Variants in OR2H1 observed in about 807,000 individuals in gnomAD.
The protein encoded by OR2H1 is olfactory receptor family 2 subfamily H member 1.
For missense variants in OR2H1, 380 were observed against 367.3 expected, an observed-to-expected ratio of 1.03 and a Z score of -0.28; for synonymous variants, 155 against 155.2, an observed-to-expected ratio of 1.00 and a Z score of 0.01.
At chr6:29,459,485 G>GATGGAGGAAGGAATAT (rs1786955920) in intron 2 of OR2H1, among the ~76,000 whole-genome samples, 1 of 152,202 alleles carries the variant, frequency 6.6e-6, no homozygotes, top group Non-Finnish European at 1.5e-5. Context: ...GAGACGTAAT[G>GATGGAGGAAGGAATAT]ATGGAGGAAG....
Position 29,458,599 on chromosome 6 carries a change from C to T in OR2H1, c.-327+30C>T, listed in dbSNP as rs1786790544. On this transcript the variant is annotated intron_variant, in intron 2 of 3. Coordinates refer to ENST00000377133, the MANE Select transcript of OR2H1 (RefSeq NM_030883.5). ...GTCACAAGTTTATTCCCCTACAGCC[C>T]ATCAATTTCCACATGTTCTTAAGAC... 2.0e-5 allele frequency: 3 copies of T among 152,312 alleles called. No individual in the cohort carries two copies. In the South Asian group the frequency reaches 6.2e-4, roughly 32 times the overall value. 9.4% of individuals were successfully genotyped at this position (152,312 alleles called of 1,614,324 possible).
chr6:29,459,595 G>T (rs914872427), intron 2 of OR2H1, among the ~76,000 whole-genome samples: 2 of 152,136 alleles, frequency 1.3e-5, no homozygotes, highest in Admixed American at 1.3e-4. Context: ...AGGTGATTGT[G>T]CCATCCCATA....
At position 29,461,345 on chromosome 6, in the gene OR2H1, C is replaced by A. The variant is rs115050545; in HGVS notation, c.-275-150C>A. On this transcript the variant is annotated intron_variant, in intron 3 of 3. Coordinates refer to ENST00000377133, the MANE Select transcript of OR2H1 (RefSeq NM_030883.5). ...AGTAGGGCAATTCTATCAAATGATT[C>A]TTTTCTAATTCTTTATGGATGTACA... 1,301 of 173,838 alleles carry A rather than the reference C, an allele frequency of 7.5e-3. 20 individuals carry two copies. Among genetic ancestry groups the A allele is most frequent in the African/African-American group, 0.027 (1,154 of 42,226 alleles). 10.8% of individuals were successfully genotyped at this position (173,838 alleles called of 1,614,324 possible). A position where few individuals can be genotyped will look rare whatever the true frequency, so the allele number is the denominator to read the frequency against.
Position 29,462,061 on chromosome 6 carries a change from C to T in OR2H1, c.292C>T (p.Gln98Ter), listed in dbSNP as rs1787338782. The change falls in exon 4 of 4, where the codon CAG becomes TAG. Residue 98 changes from glutamine (Q) to a stop codon, truncating the protein, a stop_gained. Transcript: ENST00000377133. LOFTEE classifies it low-confidence loss of function (END_TRUNC). ...CATCAGCTTCCTGGGATGCTCTGTC[C>T]AGCTCTTCATCTTCCTGTCCCTGGG... is the stretch of plus-strand genomic sequence containing the variant. ...KTISFLGCSV[Q>*]LFIFLSLGTT... The T allele has an allele frequency of 6.2e-7, 1 of 1,613,540 alleles. No homozygotes were observed. Among genetic ancestry groups the T allele is most frequent in the Non-Finnish European group, 8.5e-7 (1 of 1,180,030 alleles).
In OR2H1 at chr6:29,462,406, C is replaced by T. The variant is rs1240200107; in HGVS notation, c.637C>T (p.Leu213Phe). Reference protein sequence around the residue: ...IFVVVPLSLILASYGATAQAV... With the variant: ...IFVVVPLSLIFASYGATAQAV... ...CGTGGTTGTGCCTCTCAGCCTCATC[C>T]TTGCCTCTTATGGAGCCACTGCCCA... Residue 213 changes from leucine to phenylalanine, a missense_variant, in exon 4 of 4, where the codon CTT becomes TTT. Transcript: ENST00000377133. 13 of 1,612,996 alleles carry T rather than the reference C, an allele frequency of 8.1e-6. No homozygotes were observed. Among genetic ancestry groups the T allele is most frequent in the Non-Finnish European group, 1.1e-5 (13 of 1,180,046 alleles).
rs1273527482 is a variant in OR2H1 at position 29,461,895 on chromosome 6, C to T, written c.126C>T (p.Leu42=). ...SYLLTLVGNT[L]IILLSVLYPR... is the part of the protein sequence containing the mutation. ...TCTTGACCCTGGTGGGCAACACACT[C>T]ATCATCCTGCTGTCTGTACTGTACC... The change falls in exon 4 of 4, where the codon CTC becomes CTT. Residue 42 remains leucine (L), a synonymous_variant. Coordinates refer to ENST00000377133, the MANE Select transcript of OR2H1 (RefSeq NM_030883.5). The T allele has an allele frequency of 6.2e-7, 1 of 1,612,980 alleles. No homozygotes were observed. Among genetic ancestry groups the T allele is most frequent in the Admixed American group, 1.7e-5 (1 of 60,000 alleles).
chr6:29,461,402 A>G (rs1481152312), intron 3 of OR2H1, 93 bp from the exon 4 acceptor site: 1 of 239,036 alleles, frequency 4.2e-6, no homozygotes, highest in African/African-American at 2.2e-5. Flanking sequence ...CACAACATTT[A>G]GAATAAGATA....
intron 1 of OR2H1, among the ~76,000 whole-genome samples, chr6:29,457,632 T>C (rs1474507979): frequency 1.3e-5 from 2 of 152,214 alleles, no homozygotes; most frequent in Non-Finnish European, 2.9e-5. Flanking sequence ...ATACATTTGT[T>C]CACATTCAGT....
In OR2H1 at chr6:29,463,887, G is replaced by A. The variant is rs549031188; in HGVS notation, c.*1167G>A. The A allele has an allele frequency of 1.8e-5, 3 of 166,536 alleles. No individual in the cohort carries two copies. Among genetic ancestry groups the A allele is most frequent in the Non-Finnish European group, 2.9e-5 (2 of 68,098 alleles). The allele number at this position is 166,536 out of a possible 1,614,324, so 10.3% of individuals were successfully genotyped here. A position where few individuals can be genotyped will look rare whatever the true frequency, so the allele number is the denominator to read the frequency against. On this transcript the variant is annotated 3_prime_UTR_variant, in exon 4 of 4. Transcript: ENST00000377133. The stretch of plus-strand genomic sequence containing the variant: ...CAACTCTCTGGAGTCTCTTTTATGA[G>A]GGCACTAATTCCAATTATGAAGCCT...
At chr6:29,459,485 G>C (rs938662717) in intron 2 of OR2H1, among the ~76,000 whole-genome samples, 12 of 152,320 alleles carry the variant, frequency 7.9e-5, no homozygotes, top group African/African-American at 2.6e-4. Context: ...GAGACGTAAT[G>C]ATGGAGGAAG....
At position 29,462,199 on chromosome 6, in the gene OR2H1, TC is replaced by T. The variant is rs761378424; in HGVS notation, c.431del (p.Ser144LeufsTer6). On this transcript the variant is annotated frameshift_variant, in exon 4 of 4. Transcript: ENST00000377133. LOFTEE classifies it low-confidence loss of function (END_TRUNC). ...IHPRLCWQLASVAWVMSLVQS... is the reference protein window; with the variant it reads ...IHPRLCWQLAXVAWVMSLVQS... Reference sequence around the variant, plus strand: ...CCCCCGCCTGTGCTGGCAGCTGGCATCTGTGGCCTGGGTTATGAGTCTGGTT... The same window carrying T: ...CCCCCGCCTGTGCTGGCAGCTGGCATTGTGGCCTGGGTTATGAGTCTGGTT... 4.2e-5 allele frequency: 67 copies of T among 1,613,606 alleles called. No homozygotes were observed. In the African/African-American group the frequency reaches 8.3e-4, roughly 20 times the overall value.
rs754945939 is a variant in OR2H1 at position 29,461,993 on chromosome 6, G to A, written c.224G>A (p.Cys75Tyr). Residue 75 changes from cysteine (C) to tyrosine (Y), a missense_variant, in exon 4 of 4, where the codon TGT (cysteine) becomes TAT (tyrosine). Cys to Tyr is a radical substitution (Grantham distance 194). Coordinates refer to ENST00000377133, the MANE Select transcript of OR2H1 (RefSeq NM_030883.5). The stretch of plus-strand genomic sequence containing the variant: ...TTGGACCTCTGCTTTACCACAAGTT[G>A]TGTCCCCCAGATGCTGGTCAACCTC... ...SFLDLCFTTS[C>Y]VPQMLVNLWG... 1.2e-6 allele frequency: 2 copies of A among 1,613,222 alleles called. No individual in the cohort carries two copies. The highest frequency in any genetic ancestry group is 1.7e-6 in the Non-Finnish European group (2 of 1,180,020).
rs1787312550 is a variant in OR2H1, at chr6:29,461,915, T to A, written c.146T>A (p.Leu49Gln). 2 of 1,613,002 alleles carry A rather than the reference T, an allele frequency of 1.2e-6. No homozygotes were observed. Among genetic ancestry groups the A allele is most frequent in the Non-Finnish European group, 1.7e-6 (2 of 1,180,030 alleles). The change falls in exon 4 of 4, where the codon CTG (leucine) becomes CAG (glutamine). Residue 49 changes from leucine (L) to glutamine (Q), a missense_variant. Physicochemically the swap from Leu to Gln is moderately radical, Grantham distance 113 (BLOSUM62 -2). Coordinates refer to ENST00000377133, the MANE Select transcript of OR2H1 (RefSeq NM_030883.5). ...GNTLIILLSV[L>Q]YPRLHSPMYF... ...ACACTCATCATCCTGCTGTCTGTAC[T>A]GTACCCCAGGCTCCACTCTCCAATG...
At chr6:29,460,203 T>C (rs2151425264) in intron 2 of OR2H1, 1 of 152,054 alleles carries the variant, frequency 6.6e-6, no homozygotes, top group African/African-American at 2.4e-5. Flanking sequence ...TAATATTTTA[T>C]TATTTATTTA....
At chr6:29,459,542 A>G (rs1334837729) in intron 2 of OR2H1, among the ~76,000 whole-genome samples, 1 of 152,152 alleles carries the variant, frequency 6.6e-6, no homozygotes, top group Non-Finnish European at 1.5e-5. Flanking sequence ...GAAAAGGGAG[A>G]TGGGAGGCAG....
At chr6:29,460,279 C>A (rs1449816518) in intron 2 of OR2H1, 125 bp from the exon 3 acceptor site, 1 of 151,888 alleles carries the variant, frequency 6.6e-6, no homozygotes, top group East Asian at 1.9e-4. Context: ...GATCTCAGCT[C>A]ACTGCAACTT....
rs10651941 is a variant in OR2H1, at chr6:29,460,372, A to ATTTTTTTTTTTTTTTTTTTT, written c.-326-24_-326-5dup. 2 of 81,210 alleles carry ATTTTTTTTTTTTTTTTTTTT rather than the reference A, an allele frequency of 2.5e-5. 1 individual carries two copies. Among genetic ancestry groups the ATTTTTTTTTTTTTTTTTTTT allele is most frequent in the African/African-American group, 1.1e-4 (2 of 18,886 alleles). The allele number at this position is 81,210 out of a possible 1,614,324, so 5.0% of individuals were successfully genotyped here. On this transcript the variant is annotated intron_variant, in intron 2 of 3. Transcript: ENST00000377133. ...AGACACCCACCACCACACCCCGCTAATTTTTTTTTTTTTTTTTTTTTTTTT... is the reference window on the plus strand; with the variant it reads ...AGACACCCACCACCACACCCCGCTAATTTTTTTTTTTTTTTTTTTTTTTTTTTTTTTTTTTTTTTTTTTTT...
chr6:29,457,360 T>A (rs1215296306), intron 1 of OR2H1, among the ~76,000 whole-genome samples, 153 bp downstream of exon 1: 1 of 152,204 alleles, frequency 6.6e-6, no homozygotes, highest in Non-Finnish European at 1.5e-5. Flanking sequence ...CTGATATTTT[T>A]AAAAAAGAAT....
chr6:29,459,334 A>C (rs192020489), intron 2 of OR2H1, among the ~76,000 whole-genome samples: 1 of 152,336 alleles, frequency 6.6e-6, no homozygotes, highest in East Asian at 1.9e-4. Flanking sequence ...GATACCAGTA[A>C]TATTTGATCT....
Sources: allele counts gnomAD v4.1 joint callset (sites outside exome capture counted in the v4.1 genomes callset), GRCh38; gene constraint gnomAD v4.1.1; transcripts MANE v1.5; gene names NCBI Gene and HGNC (gene_info 2026-07-23, HGNC 2026-07-21).